The following SGCZ variants were observed in gnomAD, a reference collection of about 807,000 sequenced individuals.
SGCZ encodes sarcoglycan zeta.
A neutral mutation model predicts 41.3 loss-of-function variants in SGCZ; 40 were observed. The ratio of observed to expected loss-of-function variants is 0.97; its 90% CI spans 0.75 to 1.26. The LOEUF (loss-of-function observed/expected upper bound fraction) is 1.26. SGCZ is among the 50% of genes most tolerant of loss of function. The pLI is 0.00. For synonymous variants in SGCZ, 206 were observed against 137.5 expected, an observed-to-expected ratio of 1.50 and a Z score of -3.49; for missense variants, 552 against 369.8, an observed-to-expected ratio of 1.49 and a Z score of -4.04.
chr8:14,539,728 G>A (rs185587080), intron 2 of SGCZ, among the ~76,000 whole-genome samples: 6 of 149,344 alleles, frequency 4.0e-5, no homozygotes, highest in Admixed American at 4.0e-4. Flanking sequence ...CCCAGTGTGT[G>A]TTGTTCCCCT....
intron 1 of SGCZ, among the ~76,000 whole-genome samples, chr8:15,094,897 G>A (rs577535056): frequency 6.6e-6 from 1 of 152,174 alleles, no homozygotes; most frequent in East Asian, 1.9e-4. Flanking sequence ...CCCCAGCCCT[G>A]CAGAACTGTG....
At chr8:14,387,424 G>C (rs1471145248) in intron 2 of SGCZ, among the ~76,000 whole-genome samples, 1 of 152,080 alleles carries the variant, frequency 6.6e-6, no homozygotes, top group Admixed American at 6.6e-5. Flanking sequence ...TTTACCTCTT[G>C]TCAAAAACCT....
chr8:14,112,214 AC>A (rs917101809), intron 5 of SGCZ, among the ~76,000 whole-genome samples: 3 of 149,858 alleles, frequency 2.0e-5, no homozygotes, highest in Non-Finnish European at 4.4e-5. Context: ...CCAAATGAGA[AC>A]TTTTGCTGGC....
intron 1 of SGCZ, among the ~76,000 whole-genome samples, chr8:15,185,604 G>A (rs565392198): frequency 6.6e-6 from 1 of 152,288 alleles, no homozygotes; most frequent in South Asian, 2.1e-4. Context: ...GAAGAAAACA[G>A]AAGAGAAACA....
intron 3 of SGCZ, among the ~76,000 whole-genome samples, chr8:14,254,339 T>A (rs1400225105): frequency 6.6e-6 from 1 of 152,240 alleles, no homozygotes; most frequent in African/African-American, 2.4e-5. Context: ...GAAGCTTAAA[T>A]ATGTTCATTT....
intron 1 of SGCZ, among the ~76,000 whole-genome samples, chr8:14,565,071 G>A (rs890011673): frequency 1.3e-5 from 2 of 152,054 alleles, no homozygotes; most frequent in African/African-American, 4.8e-5. Context: ...AGTCAAATGT[G>A]CTGCCTCTTG....
At chr8:14,357,804 T>C (rs531478554) in intron 2 of SGCZ, among the ~76,000 whole-genome samples, 1 of 152,306 alleles carries the variant, frequency 6.6e-6, no homozygotes, top group Non-Finnish European at 1.5e-5. Flanking sequence ...CCTGAGGTCA[T>C]GCAGTATAAA....
intron 2 of SGCZ, among the ~76,000 whole-genome samples, chr8:14,485,900 G>A (rs1031627710): frequency 7.5e-6 from 1 of 133,992 alleles, no homozygotes; most frequent in African/African-American, 2.8e-5. Flanking sequence ...GGACTGCAGT[G>A]GCGCAATCTC....
intron 2 of SGCZ, among the ~76,000 whole-genome samples, chr8:14,485,776 A>T (rs1250647637): frequency 6.6e-6 from 1 of 151,408 alleles, no homozygotes; most frequent in African/African-American, 2.4e-5. Context: ...TTTCCTTTCT[A>T]TGACAGCAGG....
chr8:14,087,793 A>G lies in SGCZ; in HGVS notation c.*2650T>C, dbSNP rs543884597. ...GGCCATTCTTCTAAGCCTTCACAAT[A>G]GGCTTGATCTCTCTGAGGCAGGGAT... On this transcript the variant is annotated 3_prime_UTR_variant, in exon 8 of 8. Transcript: ENST00000382080. 4.0e-5 allele frequency among the ~76,000 whole-genome samples: 6 copies of G among 151,802 alleles called. No homozygotes were observed. In the East Asian group the frequency reaches 1.2e-3, roughly 30 times the overall value.
intron 1 of SGCZ, among the ~76,000 whole-genome samples, chr8:14,998,227 C>T (rs1486105471): frequency 6.6e-6 from 1 of 152,176 alleles, no homozygotes; most frequent in Non-Finnish European, 1.5e-5. Context: ...ATCTTTGCCT[C>T]ACTCCTCAGC....
At chr8:14,618,177 T>C (rs975973809) in intron 1 of SGCZ, among the ~76,000 whole-genome samples, 4 of 152,266 alleles carry the variant, frequency 2.6e-5, no homozygotes, top group Middle Eastern at 3.4e-3. Context: ...ATATCTACTT[T>C]GGTGAAGCTT....
chr8:14,562,046 C>G (rs1326271713), intron 1 of SGCZ, among the ~76,000 whole-genome samples: 1 of 151,894 alleles, frequency 6.6e-6, no homozygotes, highest in East Asian at 1.9e-4. Context: ...AATAATCGAG[C>G]CCTAGAGAAT....
intron 2 of SGCZ, among the ~76,000 whole-genome samples, chr8:14,524,602 A>G (rs1340544626): frequency 2.0e-5 from 3 of 152,148 alleles, no homozygotes; most frequent in Non-Finnish European, 2.9e-5. Flanking sequence ...TAACAATGAT[A>G]CCTTTGAATT....
chr8:14,348,145 A>T (rs1319026268), intron 2 of SGCZ, among the ~76,000 whole-genome samples: 1 of 152,106 alleles, frequency 6.6e-6, no homozygotes, highest in Admixed American at 6.6e-5. Flanking sequence ...CCAATATGGT[A>T]TCAATTCACA....
chr8:14,272,913 T>C (rs1405602018), intron 3 of SGCZ, among the ~76,000 whole-genome samples: 6 of 152,184 alleles, frequency 3.9e-5, no homozygotes, highest in African/African-American at 7.2e-5. Context: ...AACTCTTAGA[T>C]GGAGATGATA....
chr8:14,558,613 A>AGAGAGAGAGAGAGAGAGAGAGAGAGAGAG (rs59852253), intron 1 of SGCZ, among the ~76,000 whole-genome samples: 1 of 148,538 alleles, frequency 6.7e-6, no homozygotes, highest in Non-Finnish European at 1.5e-5. Context: ...AGAGAGAGAG[A>AGAGAGAGAGAGAGAGAGAGAGAGAGAGAG]ATCTTCCATA....
chr8:14,364,004 C>A (rs1296349300), intron 2 of SGCZ, among the ~76,000 whole-genome samples: 1 of 152,096 alleles, frequency 6.6e-6, no homozygotes, highest in Non-Finnish European at 1.5e-5. Flanking sequence ...GCAATACTGT[C>A]AACACCCATC....
chr8:14,828,420 T>C (rs1164493635), intron 1 of SGCZ, among the ~76,000 whole-genome samples: 1 of 152,164 alleles, frequency 6.6e-6, no homozygotes, highest in Non-Finnish European at 1.5e-5. Context: ...ACTAAAAAAT[T>C]AAAGTTAAGC....
Sources: gnomAD v4.1 joint callset for allele counts (sites outside exome capture counted in the v4.1 genomes callset) on GRCh38, gnomAD v4.1.1 for gene constraint, MANE v1.5 for transcripts, NCBI Gene and HGNC (gene_info 2026-07-23, HGNC 2026-07-21) for gene names.